The following SEMA6D variants were observed in gnomAD, a reference collection of about 807,000 sequenced individuals.
SEMA6D encodes semaphorin 6D.
A neutral mutation model predicts 106.6 loss-of-function variants in SEMA6D; 35 were observed. That is an observed-to-expected ratio of 0.33 (90% CI 0.25 to 0.44). SEMA6D has a LOEUF of 0.44. SEMA6D is among the 20% of genes least tolerant of loss of function. The probability of loss-of-function intolerance (pLI) is 1.00; values close to 1 mark genes in which losing one functional copy is unlikely to be tolerated. For missense variants in SEMA6D, 1,185 were observed against 1,345.9 expected (o/e 0.88, Z 1.87); for synonymous variants, 499 against 487.7 (o/e 1.02, Z -0.31).
chr15:47,312,580 C>T (rs951056855), intron 1 of SEMA6D, among the ~76,000 whole-genome samples: 2 of 152,044 alleles, frequency 1.3e-5, no homozygotes, highest in Non-Finnish European at 2.9e-5. Context: ...TTAACCTTGC[C>T]ACAATGTTAA....
intron 1 of SEMA6D, among the ~76,000 whole-genome samples, chr15:47,374,381 A>G (rs1029352342): frequency 1.3e-5 from 2 of 152,066 alleles, no homozygotes; most frequent in Admixed American, 6.6e-5. Flanking sequence ...GGCCAAGCTC[A>G]TTGTCAAGGT....
chr15:47,440,184 A>T (rs1236707396), intron 2 of SEMA6D, among the ~76,000 whole-genome samples: 1 of 152,098 alleles, frequency 6.6e-6, no homozygotes, highest in Non-Finnish European at 1.5e-5. Context: ...CGTGTCTAAG[A>T]CATATGAGCA....
At chr15:47,210,764 CAAAAAAA>C (rs34743184) in intron 1 of SEMA6D, among the ~76,000 whole-genome samples, 1 of 62,758 alleles carries the variant, frequency 1.6e-5, no homozygotes, top group Non-Finnish European at 3.0e-5. Flanking sequence ...GACTCCGTCT[CAAAAAAA>C]AAAAAAAAAA....
chr15:47,696,496 G>T (rs974895898), intron 4 of SEMA6D, among the ~76,000 whole-genome samples: 2 of 152,190 alleles, frequency 1.3e-5, no homozygotes, highest in African/African-American at 2.4e-5. Flanking sequence ...GCCCCTCCAT[G>T]GTGGTATCTC....
intron 4 of SEMA6D, among the ~76,000 whole-genome samples, chr15:47,653,000 A>C (rs915581470): frequency 9.9e-5 from 15 of 152,226 alleles, no homozygotes; most frequent in African/African-American, 3.6e-4. Context: ...ACCTGAGCTT[A>C]TGGTGCCAAG....
chr15:47,428,559 AG>A (rs2041423149), intron 2 of SEMA6D, among the ~76,000 whole-genome samples: 1 of 140,336 alleles, frequency 7.1e-6, no homozygotes, highest in Admixed American at 7.4e-5. Flanking sequence ...GGATTGCTTG[AG>A]GTCAAGAGTT....
chr15:47,766,431 A>C, intron 15 of SEMA6D, 185 bp from the exon 16 acceptor site: 2 of 641,810 alleles, frequency 3.1e-6, no homozygotes, highest in South Asian at 4.2e-5. Context: ...TCTCTTAAGC[A>C]TTCTAGTTCA....
rs1215706392 is a variant in SEMA6D, at chr15:47,303,554, ATTAATT to A, written c.-238-108836_-238-108831del. Among the ~76,000 whole-genome samples the A allele has an allele frequency of 2.4e-4, 37 of 152,186 alleles. 1 individual carries two copies. The highest frequency in any genetic ancestry group is 1.6e-4 in the Non-Finnish European group (11 of 68,026). ...CCATTGGATGTAGTAAATGTCTGAC[ATTAATT>A]TTCTTGGCTACTTCTGTCCTCCCAT... On this transcript the variant is annotated intron_variant, in intron 1 of 19. Coordinates refer to the SEMA6D transcript ENST00000558014.
At chr15:47,732,804 G>T (rs763305369) in intron 1 of SEMA6D, among the ~76,000 whole-genome samples, 1 of 152,064 alleles carries the variant, frequency 6.6e-6, no homozygotes, top group Non-Finnish European at 1.5e-5. Context: ...AAAAATAAAA[G>T]ATATGACACT....
At chr15:47,541,734 G>A (rs2045360988) in intron 3 of SEMA6D, among the ~76,000 whole-genome samples, 1 of 152,130 alleles carries the variant, frequency 6.6e-6, no homozygotes, top group Admixed American at 6.6e-5. Flanking sequence ...CTTATTTCAA[G>A]GGTGTTGCTG....
At chr15:47,283,239 C>T (rs2142578805) in intron 1 of SEMA6D, among the ~76,000 whole-genome samples, 1 of 152,258 alleles carries the variant, frequency 6.6e-6, no homozygotes, top group South Asian at 2.1e-4. Flanking sequence ...TTGGCAGACA[C>T]ACCAGGCACA....
chr15:47,433,818 C>T (rs952927092), intron 2 of SEMA6D, among the ~76,000 whole-genome samples: 1 of 152,150 alleles, frequency 6.6e-6, no homozygotes. Flanking sequence ...GAAAATATGG[C>T]TTAAATGTCA....
intron 3 of SEMA6D, among the ~76,000 whole-genome samples, chr15:47,482,490 A>G (rs545930183): frequency 2.0e-5 from 3 of 152,272 alleles, no homozygotes; most frequent in African/African-American, 7.2e-5. Context: ...GGCAAGCCTC[A>G]TGATACCTAA....
chr15:47,637,009 G>A (rs1445386888), intron 4 of SEMA6D, among the ~76,000 whole-genome samples: 4 of 152,160 alleles, frequency 2.6e-5, no homozygotes, highest in African/African-American at 4.8e-5. Flanking sequence ...AAGCACTTAT[G>A]TGGACATAAG....
chr15:47,313,690 G>A (rs1012971849), intron 1 of SEMA6D, among the ~76,000 whole-genome samples: 7 of 152,216 alleles, frequency 4.6e-5, no homozygotes, highest in East Asian at 3.9e-4. Context: ...TCAGCCTTCC[G>A]TGTAGCTGAT....
intron 4 of SEMA6D, among the ~76,000 whole-genome samples, chr15:47,697,904 T>G (rs1367781183): frequency 6.6e-6 from 1 of 152,204 alleles, no homozygotes. Context: ...CCATGAAACT[T>G]AGATTCCATT....
chr15:47,324,586 G>A (rs900603513), intron 1 of SEMA6D, among the ~76,000 whole-genome samples: 1 of 151,416 alleles, frequency 6.6e-6, no homozygotes, highest in African/African-American at 2.4e-5. Flanking sequence ...ATTCTCTTAC[G>A]CAAATACAGG....
At chr15:47,648,320 G>C (rs976948945) in intron 4 of SEMA6D, among the ~76,000 whole-genome samples, 1 of 152,122 alleles carries the variant, frequency 6.6e-6, no homozygotes, top group African/African-American at 2.4e-5. Context: ...TAGGTGAAAT[G>C]GCATGTTTGA....
intron 3 of SEMA6D, among the ~76,000 whole-genome samples, chr15:47,540,049 T>TGC (rs1311757352): frequency 6.6e-6 from 1 of 151,886 alleles, no homozygotes; most frequent in Non-Finnish European, 1.5e-5. Flanking sequence ...TTTAGCTGTG[T>TGC]GTGTGTGTGT....
Sources: gnomAD v4.1 joint callset for allele counts (sites outside exome capture counted in the v4.1 genomes callset) on GRCh38, gnomAD v4.1.1 for gene constraint, MANE v1.5 for transcripts, NCBI Gene and HGNC (gene_info 2026-07-23, HGNC 2026-07-21) for gene names.